The following UBE2W variants were observed in gnomAD, a reference collection of about 807,000 sequenced individuals.
The protein encoded by UBE2W is ubiquitin-conjugating enzyme E2 W.
Under a neutral mutation model 27.2 loss-of-function variants are expected in UBE2W, and 18 were observed. The observed-to-expected ratio is 0.66, with a 90% CI of 0.46 to 0.98. The LOEUF (loss-of-function observed/expected upper bound fraction) is 0.98, where lower values mean the gene tolerates loss of function less well. Among genes scored for constraint, UBE2W ranks in the 50% least tolerant of loss-of-function variants. The probability of loss-of-function intolerance (pLI) is 0.00; values close to 1 mark genes in which losing one functional copy is unlikely to be tolerated. For synonymous variants in UBE2W, 53 were observed against 57.2 expected, an observed-to-expected ratio of 0.93 and a Z score of 0.33; for missense variants, 90 against 180.2, an observed-to-expected ratio of 0.50 and a Z score of 2.87.
intron 1 of UBE2W, among the ~76,000 whole-genome samples, chr8:73,877,422 G>A (rs1586561072): frequency 6.6e-6 from 1 of 152,194 alleles, no homozygotes; most frequent in South Asian, 2.1e-4. Flanking sequence ...CTGCAGGCAA[G>A]TCCAGAGGGA....
At chr8:73,811,726 G>A (rs1378001665) in intron 3 of UBE2W, among the ~76,000 whole-genome samples, 1 of 152,008 alleles carries the variant, frequency 6.6e-6, no homozygotes, top group African/African-American at 2.4e-5. Flanking sequence ...CAGTATCTCA[G>A]CCCTGCAAAC....
At chr8:73,844,168 C>A (rs1462404635) in intron 1 of UBE2W, among the ~76,000 whole-genome samples, 2 of 47,692 alleles carry the variant, frequency 4.2e-5, no homozygotes, top group Non-Finnish European at 8.1e-5. Flanking sequence ...CCCTCCCCCT[C>A]CCCCTCTGCA....
intron 1 of UBE2W, among the ~76,000 whole-genome samples, chr8:73,841,189 T>G (rs1810520048): frequency 6.6e-6 from 1 of 152,198 alleles, no homozygotes; most frequent in Non-Finnish European, 1.5e-5. Flanking sequence ...ACTGCACTAA[T>G]AAGTAGATAT....
chr8:73,782,504 C>T (rs1302173734), downstream of UBE2W, among the ~76,000 whole-genome samples: 2 of 152,092 alleles, frequency 1.3e-5, no homozygotes, highest in African/African-American at 4.8e-5. Flanking sequence ...TAAAGCCATA[C>T]AGGATGTATG....
At chr8:73,862,320 AATTG>A (rs766405374) in intron 1 of UBE2W, among the ~76,000 whole-genome samples, 14 of 152,164 alleles carry the variant, frequency 9.2e-5, no homozygotes, top group Non-Finnish European at 1.9e-4. Flanking sequence ...ATCCATCTTG[AATTG>A]ATTTTTGTAT....
intron 3 of UBE2W, among the ~76,000 whole-genome samples, chr8:73,813,083 C>CAAAAAA (rs56094830): frequency 0.056 from 2,450 of 43,426 alleles, 716 homozygotes; most frequent in Non-Finnish European, 0.077. Context: ...GAAAGTGCCA[C>CAAAAAA]AAAAAAAAAA....
At chr8:73,799,731 T>C (rs1468115755) in intron 5 of UBE2W, among the ~76,000 whole-genome samples, 2 of 152,242 alleles carry the variant, frequency 1.3e-5, no homozygotes, top group African/African-American at 2.4e-5. Flanking sequence ...ACTTAGTTTC[T>C]AGAAACTGAA....
intron 1 of UBE2W, among the ~76,000 whole-genome samples, chr8:73,862,238 G>C: frequency 6.6e-6 from 1 of 152,158 alleles, no homozygotes; most frequent in Admixed American, 6.6e-5. Flanking sequence ...AGACCAGCCT[G>C]GCCAACATGG....
At chr8:73,851,357 T>C (rs1021013971) in intron 1 of UBE2W, among the ~76,000 whole-genome samples, 1 of 151,952 alleles carries the variant, frequency 6.6e-6, no homozygotes, top group African/African-American at 2.4e-5. Flanking sequence ...ATAAATGAAA[T>C]TGTAAAATAT....
At chr8:73,819,545 C>T (rs1809525797) in intron 3 of UBE2W, among the ~76,000 whole-genome samples, 1 of 152,148 alleles carries the variant, frequency 6.6e-6, no homozygotes, top group Non-Finnish European at 1.5e-5. Flanking sequence ...GTTGAATTAA[C>T]CAACCATTTA....
chr8:73,810,522 T>A lies in UBE2W; in HGVS notation c.318A>T (p.Gln106His). ...TGCTAATAATGCTAAGACAAACTGA[T>A]TGGACTGAGAGCGCTGGGGACCAGT... ...TEDWSPALSV[Q>H]SVCLSIISML... is the part of the protein sequence containing the mutation. The change falls in exon 4 of 6, where the codon CAA (glutamine) becomes CAT (histidine). Residue 106 changes from glutamine to histidine, a missense_variant. Physicochemically the swap from Gln to His is conservative, Grantham distance 24 (BLOSUM62 0). Coordinates refer to ENST00000602593, the MANE Select transcript of UBE2W (RefSeq NM_018299.6). 6.2e-7 allele frequency: 1 copy of A among 1,612,774 alleles called. No individual in the cohort carries two copies. Among genetic ancestry groups the A allele is most frequent in the Non-Finnish European group, 8.5e-7 (1 of 1,179,560 alleles).
intron 1 of UBE2W, among the ~76,000 whole-genome samples, chr8:73,832,514 A>C (rs1335119496): frequency 6.6e-6 from 1 of 152,252 alleles, no homozygotes; most frequent in African/African-American, 2.4e-5. Flanking sequence ...TCACAAAACG[A>C]ATCGATTTCT....
At chr8:73,842,997 A>G (rs915966325) in intron 1 of UBE2W, among the ~76,000 whole-genome samples, 2 of 150,232 alleles carry the variant, frequency 1.3e-5, no homozygotes, top group African/African-American at 2.5e-5. Context: ...CGCCTTCAAA[A>G]AGAATGAAGT....
At chr8:73,858,953 A>C (rs1811422631) in intron 1 of UBE2W, among the ~76,000 whole-genome samples, 2 of 132,618 alleles carry the variant, frequency 1.5e-5, no homozygotes, top group African/African-American at 3.0e-5. Context: ...AAACTGAGCA[A>C]TTTCTTCAAG....
At chr8:73,821,538 G>A (rs1315315944) in intron 3 of UBE2W, among the ~76,000 whole-genome samples, 29 of 125,200 alleles carry the variant, frequency 2.3e-4, no homozygotes, top group Non-Finnish European at 4.1e-4. Flanking sequence ...GGTGGAGTGG[G>A]GTGTGGGAGT....
rs529582745 is a variant in UBE2W at position 73,836,175 on chromosome 8, A to T, written c.16-5703T>A. Among the ~76,000 whole-genome samples the T allele has an allele frequency of 1.1e-4, 17 of 152,304 alleles. No homozygotes were observed. The South Asian group carries it at 3.5e-3, about 32-fold the overall frequency. ...ATCTACTTCCTCATCAATATCACTA[A>T]GTCACAATCTAAGACATTCACTGGA... On this transcript the variant is annotated intron_variant, in intron 1 of 5. Transcript: ENST00000602593.
chr8:73,849,371 G>A (rs1472654726), intron 1 of UBE2W, among the ~76,000 whole-genome samples: 1 of 151,894 alleles, frequency 6.6e-6, no homozygotes, highest in African/African-American at 2.4e-5. Flanking sequence ...AATCAGCTGG[G>A]CATGGTGGCG....
At chr8:73,855,588 T>G (rs930607038) in intron 1 of UBE2W, among the ~76,000 whole-genome samples, 25 of 151,758 alleles carry the variant, frequency 1.6e-4, no homozygotes, top group Non-Finnish European at 2.9e-4. Context: ...TATTTTTTGG[T>G]AGACATGGAG....
In UBE2W at chr8:73,793,009, T is replaced by A. The variant is rs528154583; in HGVS notation, c.*1093A>T. 1.9e-3 allele frequency: 1,917 copies of A among 985,474 alleles called. 4 individuals are homozygous for A. The highest frequency in any genetic ancestry group is 3.7e-3 in the South Asian group (78 of 21,280). The allele number at this position is 985,474 out of a possible 1,614,324, so 61.0% of individuals were successfully genotyped here. A position where few individuals can be genotyped will look rare whatever the true frequency, so the allele number is the denominator to read the frequency against. ...GTATTTCTTATTTTAGGGTACAGGA[T>A]TAAAGGACAAGATGATACTCACAAG... On this transcript the variant is annotated 3_prime_UTR_variant, in exon 6 of 6. Coordinates refer to ENST00000602593, the MANE Select transcript of UBE2W (RefSeq NM_018299.6).
Sources: gnomAD v4.1 joint callset for allele counts (sites outside exome capture counted in the v4.1 genomes callset) on GRCh38, gnomAD v4.1.1 for gene constraint, MANE v1.5 for transcripts, NCBI Gene and HGNC (gene_info 2026-07-23, HGNC 2026-07-21) for gene names.